RIMS2: variants seen among roughly 807,000 people sequenced by gnomAD.
RIMS2 encodes the protein regulating synaptic membrane exocytosis protein 2.
Under a neutral mutation model 174.4 loss-of-function variants are expected in RIMS2, and 59 were observed. The observed-to-expected ratio is 0.34, with a 90% CI of 0.27 to 0.42. The LOEUF is 0.42. RIMS2 is among the 10% of genes least tolerant of loss of function. RIMS2 has a pLI of 1.00. For synonymous variants in RIMS2, 606 were observed against 572.5 expected, an observed-to-expected ratio of 1.06 and a Z score of -0.84; for missense variants, 1,620 against 1,666.3, an observed-to-expected ratio of 0.97 and a Z score of 0.48.
At chr8:103,548,772 A>G (rs143637969) in intron 1 of RIMS2, among the ~76,000 whole-genome samples, 16 of 152,278 alleles carry the variant, frequency 1.1e-4, no homozygotes, top group East Asian at 7.7e-4. Flanking sequence ...AGAAAACACC[A>G]TAATCTCTAT....
At position 103,885,961 on chromosome 8, in the gene RIMS2, A is replaced by G. The variant is rs758482327; in HGVS notation, c.1362A>G (p.Leu454=). Reference sequence around the variant, plus strand: ...CAGACTTGAGGCGTACTGACTCACTACGGAAACAGCACCACTTAGATCCTA... The same window carrying G: ...CAGACTTGAGGCGTACTGACTCACTGCGGAAACAGCACCACTTAGATCCTA... The change falls in exon 4 of 24, where the codon CTA becomes CTG. Residue 454 remains leucine (L), a synonymous_variant. Coordinates refer to ENST00000504942, the Ensembl canonical transcript of RIMS2. 2.0e-5 allele frequency: 32 copies of G among 1,612,986 alleles called. No individual in the cohort carries two copies. The South Asian group carries it at 3.4e-4, about 17-fold the overall frequency.
chr8:104,186,203 C>T (rs557879141), intron 19 of RIMS2, among the ~76,000 whole-genome samples: 16 of 151,684 alleles, frequency 1.1e-4, no homozygotes, highest in Non-Finnish European at 2.2e-4. Context: ...CATGGACGTA[C>T]AGTGTGGAAT....
chr8:103,549,534 C>T (rs1846680096), intron 1 of RIMS2, among the ~76,000 whole-genome samples: 1 of 152,148 alleles, frequency 6.6e-6, no homozygotes, highest in African/African-American at 2.4e-5. Flanking sequence ...TTGTAAAGCC[C>T]ATCAATGCTA....
chr8:103,768,386 G>A, intron 3 of RIMS2: 1 of 742,084 alleles, frequency 1.3e-6, no homozygotes, highest in South Asian at 1.4e-5. Flanking sequence ...GGCCACAGAA[G>A]TTGCTGCTGA....
intron 3 of RIMS2, chr8:103,819,510 G>A (rs905223135): frequency 1.2e-6 from 2 of 1,611,732 alleles, no homozygotes; most frequent in African/African-American, 2.7e-5. Flanking sequence ...GAAAGAAAAT[G>A]CAATTTGAGA....
intron 19 of RIMS2, among the ~76,000 whole-genome samples, chr8:104,193,202 T>G (rs961869356): frequency 6.6e-6 from 1 of 152,042 alleles, no homozygotes; most frequent in East Asian, 1.9e-4. Flanking sequence ...ATATAACTCA[T>G]AAATGTGTTT....
chr8:103,626,210 T>A (rs1456539271), intron 1 of RIMS2, among the ~76,000 whole-genome samples: 1 of 152,206 alleles, frequency 6.6e-6, no homozygotes, highest in Non-Finnish European at 1.5e-5. Context: ...AACAGAATTG[T>A]TGAATGTTGA....
At chr8:103,873,175 C>G (rs1199181269) in intron 3 of RIMS2, among the ~76,000 whole-genome samples, 1 of 152,082 alleles carries the variant, frequency 6.6e-6, no homozygotes, top group Non-Finnish European at 1.5e-5. Flanking sequence ...AATAATATTC[C>G]TGGCTTCCTC....
At chr8:104,072,575 T>C (rs2097213721) in intron 19 of RIMS2, among the ~76,000 whole-genome samples, 1 of 152,184 alleles carries the variant, frequency 6.6e-6, no homozygotes, top group Non-Finnish European at 1.5e-5. Context: ...ATGAAGCATA[T>C]GCTGTCTCCT....
At chr8:104,022,390 G>GT (rs71297248) in intron 19 of RIMS2, among the ~76,000 whole-genome samples, 38,652 of 151,260 alleles carry the variant, frequency 0.26, 5,350 homozygotes, top group South Asian at 0.41. Flanking sequence ...CTCTTTTTTT[G>GT]TTTTTTTTAA....
chr8:104,006,472 C>T (rs2095580230), intron 17 of RIMS2, among the ~76,000 whole-genome samples: 1 of 152,026 alleles, frequency 6.6e-6, no homozygotes, highest in Non-Finnish European at 1.5e-5. Context: ...ATCACTTGAA[C>T]CTGGGAGGTG....
chr8:103,604,277 T>A (rs574787344), intron 1 of RIMS2, among the ~76,000 whole-genome samples: 2 of 151,438 alleles, frequency 1.3e-5, no homozygotes, highest in South Asian at 4.2e-4. Context: ...ATTGCTTGTT[T>A]TTGTCAGGTT....
chr8:103,861,487 G>T (rs144521677), intron 3 of RIMS2, among the ~76,000 whole-genome samples: 2 of 152,118 alleles, frequency 1.3e-5, no homozygotes, highest in East Asian at 3.9e-4. Context: ...TTTCGTCTGG[G>T]TAGACACCCA....
intron 1 of RIMS2, among the ~76,000 whole-genome samples, chr8:103,539,039 T>C (rs560763765): frequency 6.6e-6 from 1 of 152,348 alleles, no homozygotes; most frequent in African/African-American, 2.4e-5. Flanking sequence ...ATAAGTTATT[T>C]TTTAGAAAAT....
chr8:103,579,054 G>C (rs1244562674), intron 1 of RIMS2, among the ~76,000 whole-genome samples: 1 of 151,978 alleles, frequency 6.6e-6, no homozygotes, highest in Admixed American at 6.6e-5. Flanking sequence ...GAGAGAGAAA[G>C]TCTTTCCCAG....
rs559617781 is a variant in RIMS2 at position 104,139,746 on chromosome 8, C to T, written c.3335-105170C>T. On this transcript the variant is annotated intron_variant, in intron 19 of 23. Transcript: ENST00000504942. Reference sequence around the variant, plus strand: ...ACTTCTTTCTTTCCAATTTGGATGCCCTTTGTTTATTTCTCTTGTCTGATT... The same window carrying T: ...ACTTCTTTCTTTCCAATTTGGATGCTCTTTGTTTATTTCTCTTGTCTGATT... Among the ~76,000 whole-genome samples, 16 of 152,136 alleles carry T rather than the reference C, an allele frequency of 1.1e-4. No individual in the cohort carries two copies. In the South Asian group the frequency reaches 3.3e-3, roughly 32 times the overall value.
At chr8:103,770,994 GA>G (rs1242081487) in intron 3 of RIMS2, among the ~76,000 whole-genome samples, 1 of 152,180 alleles carries the variant, frequency 6.6e-6, no homozygotes, top group African/African-American at 2.4e-5. Context: ...ATTTGAAACA[GA>G]AAAGTATGTT....
chr8:103,752,310 ATC>A (rs1421001977), intron 2 of RIMS2, among the ~76,000 whole-genome samples: 1 of 152,014 alleles, frequency 6.6e-6, no homozygotes. Flanking sequence ...ATTGATCTAT[ATC>A]TCTGTTTTGG....
intron 2 of RIMS2, among the ~76,000 whole-genome samples, chr8:103,748,193 G>A (rs2097844917): frequency 6.6e-6 from 1 of 152,054 alleles, no homozygotes; most frequent in South Asian, 2.1e-4. Context: ...TGTAATCCCA[G>A]TACTTTGGGA....
Sources: gnomAD v4.1 joint callset for allele counts (sites outside exome capture counted in the v4.1 genomes callset) on GRCh38, gnomAD v4.1.1 for gene constraint, MANE v1.5 for transcripts, NCBI Gene and HGNC (gene_info 2026-07-23, HGNC 2026-07-21) for gene names.